Variants in GOLGA8S observed in about 807,000 individuals in gnomAD.
GOLGA8S encodes golgin A8 family member S.
A neutral mutation model predicts 58.9 loss-of-function variants in GOLGA8S; 23 were observed. That is an observed-to-expected ratio of 0.39 (90% CI 0.28 to 0.55). The LOEUF is 0.55. Among genes scored for constraint, GOLGA8S ranks in the 20% least tolerant of loss-of-function variants. The pLI is 0.63. For synonymous variants in GOLGA8S, 84 were observed against 195.7 expected, an observed-to-expected ratio of 0.43 and a Z score of 4.76; for missense variants, 266 against 514.2, an observed-to-expected ratio of 0.52 and a Z score of 4.67.
chr15:23,358,106 T>G (rs774675347), intron 4 of GOLGA8S, among the ~76,000 whole-genome samples: 178 of 149,766 alleles, frequency 1.2e-3, no homozygotes, highest in Middle Eastern at 0.01. Flanking sequence ...CCCTAAATCT[T>G]CTGTGAAGAA....
chr15:23,361,436 C>T lies in GOLGA8S; in HGVS notation c.1090C>T (p.Gln364Ter). ...GAGGCTTCAGCAGCTGGCCGAGCCACAGAACAGCTTCAAGGAGCTGGTGCG... is the reference window on the plus strand; with the variant it reads ...GAGGCTTCAGCAGCTGGCCGAGCCATAGAACAGCTTCAAGGAGCTGGTGCG... The change falls in exon 12 of 19, where the codon CAG (glutamine) becomes TAG (stop). Residue 364 changes from glutamine to a stop codon, truncating the protein, a stop_gained. Transcript: ENST00000562295. LOFTEE classifies it high-confidence loss of function. 2.5e-6 allele frequency: 2 copies of T among 794,022 alleles called. No homozygotes were observed. Among genetic ancestry groups the T allele is most frequent in the Non-Finnish European group, 4.5e-6 (2 of 444,656 alleles). The allele number at this position is 794,022 out of a possible 1,614,324, so 49.2% of individuals were successfully genotyped here.
intron 1 of GOLGA8S, 82 bp downstream of exon 1, chr15:23,354,975 C>T (rs542497849): frequency 2.5e-6 from 1 of 407,330 alleles, no homozygotes; most frequent in Middle Eastern, 6.5e-4. Context: ...GTCCATACCA[C>T]TCCCGAGGTT....
At chr15:23,361,289 C>G in exon 12 of GOLGA8S, 1 of 1,444,224 alleles carries the variant, frequency 6.9e-7, no homozygotes, top group Non-Finnish European at 9.6e-7. Flanking sequence ...GAGGAAGGAA[C>G]TAGAGAGAGT....
At position 23,361,361 on chromosome 15, in the gene GOLGA8S, C is replaced by T. The variant is rs564129565; in HGVS notation, c.1015C>T (p.Gln339Ter). The T allele has an allele frequency of 1.5e-5, 17 of 1,144,474 alleles. No individual in the cohort carries two copies. The highest frequency in any genetic ancestry group is 6.8e-5 in the Admixed American group (4 of 59,254). 70.9% of individuals were successfully genotyped at this position (1,144,474 alleles called of 1,614,324 possible). A position where few individuals can be genotyped will look rare whatever the true frequency, so the allele number is the denominator to read the frequency against. The change falls in exon 12 of 19, where the codon CAA becomes TAA. Residue 339 changes from glutamine (Q) to a stop codon, truncating the protein, a stop_gained. Transcript: ENST00000562295. LOFTEE classifies it high-confidence loss of function. ...GCGCATAAGTCTCCTGAATGAGGGG[C>T]AAAAGGAGAGGCTTCGGGAGCAGCA...
At chr15:23,357,116 AG>A (rs1227854604) in intron 2 of GOLGA8S, among the ~76,000 whole-genome samples, 179 bp from the exon 3 acceptor site, 3 of 145,002 alleles carry the variant, frequency 2.1e-5, no homozygotes, top group Non-Finnish European at 4.6e-5. Context: ...AAAGGGCCGC[AG>A]GGTGCTGTGG....
exon 12 of GOLGA8S, chr15:23,361,433 C>A (rs1461599562): frequency 8.7e-6 from 7 of 800,214 alleles, no homozygotes; most frequent in South Asian, 1.3e-5. Flanking sequence ...GCTGGCCGAG[C>A]CACAGAACAG....
intron 8 of GOLGA8S, 123 bp downstream of exon 8, chr15:23,359,332 G>A (rs2069745010): frequency 1.5e-6 from 1 of 657,464 alleles, no homozygotes; most frequent in Non-Finnish European, 2.8e-6. Flanking sequence ...ATTTCTCACT[G>A]CTTTTTTGTA....
exon 11 of GOLGA8S, chr15:23,360,804 A>G (rs1198361520): frequency 2.1e-6 from 3 of 1,440,138 alleles, no homozygotes; most frequent in Non-Finnish European, 2.9e-6. Flanking sequence ...TCCAAACTCA[A>G]AAACCAGATG....
downstream of GOLGA8S, among the ~76,000 whole-genome samples, chr15:23,368,089 T>C (rs1003600689): frequency 3.9e-5 from 6 of 151,960 alleles, no homozygotes; most frequent in African/African-American, 1.4e-4. Flanking sequence ...TTTTAAAATA[T>C]GAATACTATA....
exon 16 of GOLGA8S, chr15:23,364,360 C>T: frequency 1.2e-6 from 2 of 1,602,644 alleles, no homozygotes; most frequent in Non-Finnish European, 1.7e-6. Flanking sequence ...TTATGGACCA[C>T]CTGGAGGAGA....
downstream of GOLGA8S, chr15:23,365,975 T>C (rs569824243): frequency 4.6e-4 from 70 of 151,282 alleles, 1 homozygote; most frequent in African/African-American, 1.6e-3. Flanking sequence ...GAATGAAAGG[T>C]TCCCATCGTT....
downstream of GOLGA8S, among the ~76,000 whole-genome samples, chr15:23,367,836 C>T (rs1220405419): frequency 6.6e-6 from 1 of 151,702 alleles, no homozygotes; most frequent in Non-Finnish European, 1.5e-5. Flanking sequence ...AGAATCAAAA[C>T]ACCTATTTAA....
exon 17 of GOLGA8S, chr15:23,364,561 G>A (rs141294239): frequency 0.12 from 161,609 of 1,372,856 alleles, 16,205 homozygotes; most frequent in Middle Eastern, 0.14. Context: ...CCAGGGGGCC[G>A]TGCCAAAGAT....
rs552473973 is a variant in GOLGA8S, at chr15:23,365,109, C to G, written c.1853C>G (p.Ala618Gly). The G allele has an allele frequency of 4.4e-6, 7 of 1,587,726 alleles. No individual in the cohort carries two copies. In the East Asian group the frequency reaches 1.6e-4, roughly 35 times the overall value. ...TGCTGTGTGCCATTCTTTTGCTGGG[C>G]TTGGCTGCCAAGAAGAAGGAGATAA... Residue 618 changes from alanine (A) to glycine (G), a missense_variant, in exon 19 of 19, where the codon GCT (alanine) becomes GGT (glycine). Around this residue, in one of 6 missense-constraint regions of GOLGA8S, gnomAD observed 36 missense variants for 39.6 expected, o/e 0.91. Coordinates refer to ENST00000562295, the Ensembl canonical transcript of GOLGA8S.
Position 23,364,503 on chromosome 15 carries a change from G to A in GOLGA8S, c.1449-23G>A, listed in dbSNP as rs4036661. 2.0e-4 allele frequency: 313 copies of A among 1,591,696 alleles called. 2 individuals carry two copies. In the Admixed American group the frequency reaches 2.0e-3, roughly 10 times the overall value. On this transcript the variant is annotated intron_variant, in intron 16 of 18. Coordinates refer to ENST00000562295, the Ensembl canonical transcript of GOLGA8S. ...ACAGGGCCGTCGGAGGGGCCCCAGC[G>A]TCTGAGCCCTGTCCTCCCGCAGGAA...
chr15:23,362,077 A>AT (rs546710274), intron 13 of GOLGA8S, among the ~76,000 whole-genome samples: 1,732 of 147,390 alleles, frequency 0.012, 93 homozygotes, highest in African/African-American at 0.042. Flanking sequence ...CAGTCTTCTT[A>AT]TGCCAGATGC....
downstream of GOLGA8S, chr15:23,366,261 G>T (rs1027148740): frequency 1.1e-4 from 16 of 151,192 alleles, no homozygotes; most frequent in Non-Finnish European, 1.3e-4. Context: ...TGTTCACGGA[G>T]ATTCTTTGAG....
chr15:23,361,299 T>C (rs2069795554), exon 12 of GOLGA8S: 10 of 1,393,578 alleles, frequency 7.2e-6, no homozygotes, highest in Non-Finnish European at 1.0e-5. Context: ...CTAGAGAGAG[T>C]GGCAGGAGCG....
chr15:23,361,334 C>A lies in GOLGA8S; in HGVS notation c.988C>A (p.Gln330Lys), dbSNP rs765734989. The A allele has an allele frequency of 1.6e-5, 19 of 1,200,474 alleles. No homozygotes were observed. The South Asian group carries it at 2.3e-4, about 15-fold the overall frequency. The allele number at this position is 1,200,474 out of a possible 1,614,324, so 74.4% of individuals were successfully genotyped here. A position where few individuals can be genotyped will look rare whatever the true frequency, so the allele number is the denominator to read the frequency against. ...GCTCCAGGCCCAGGTGGAGTACAAT[C>A]AGCGCATAAGTCTCCTGAATGAGGG... Residue 330 changes from glutamine (Q) to lysine (K), a missense_variant, in exon 12 of 19, where the codon CAG becomes AAG. Transcript: ENST00000562295.
Sources: allele counts gnomAD v4.1 joint callset (sites outside exome capture counted in the v4.1 genomes callset), GRCh38; gene constraint gnomAD v4.1.1; regional missense constraint gnomAD v4.1.1; transcripts MANE v1.5; gene names NCBI Gene and HGNC (gene_info 2026-07-23, HGNC 2026-07-21).